Variants in MAPK6 observed in about 807,000 individuals in gnomAD.
MAPK6 encodes the protein mitogen-activated protein kinase 6, also known as ERK-3.
In MAPK6, 19 loss-of-function variants were observed where a neutral mutation model predicts 59.3. The observed-to-expected ratio is 0.32, with a 90% CI of 0.22 to 0.47. The LOEUF (loss-of-function observed/expected upper bound fraction) is 0.47. Among genes scored for constraint, MAPK6 ranks in the 20% least tolerant of loss-of-function variants. The pLI is 1.00. For synonymous variants in MAPK6, 316 were observed against 290.3 expected, an observed-to-expected ratio of 1.09 and a Z score of -0.90; for missense variants, 724 against 847.9, an observed-to-expected ratio of 0.85 and a Z score of 1.81.
At chr15:52,007,914 T>C (rs1174937790) in intron 3 of MAPK6, among the ~76,000 whole-genome samples, 5 of 151,726 alleles carry the variant, frequency 3.3e-5, no homozygotes, top group African/African-American at 1.2e-4. Context: ...TGGTGTGATC[T>C]TGGCTCACTG....
chr15:52,029,144 T>G (rs2030929802), intron 1 of MAPK6, among the ~76,000 whole-genome samples: 1 of 152,188 alleles, frequency 6.6e-6, no homozygotes, highest in Non-Finnish European at 1.5e-5. Flanking sequence ...TTCAAGTGAT[T>G]ATCCTGCCTC....
intron 2 of MAPK6, among the ~76,000 whole-genome samples, chr15:51,999,771 A>G (rs191947403): frequency 4.6e-5 from 7 of 152,194 alleles, no homozygotes; most frequent in African/African-American, 1.7e-4. Flanking sequence ...AGCCTCGTGA[A>G]TAGCTGGGAC....
upstream of MAPK6, among the ~76,000 whole-genome samples, chr15:52,016,107 C>CACACACACACACACACACACACACACAAA (rs1267339787): frequency 2.3e-4 from 32 of 136,200 alleles, 1 homozygote; most frequent in Non-Finnish European, 4.9e-4. Context: ...CACACACACA[C>CACACACACACACACACACACACACACAAA]AAACTAAAAC....
Position 52,064,512 on chromosome 15 carries a change from C to G in MAPK6, c.1678C>G (p.Leu560Val). ...TGACTTGAATAGCTCAGTGTCCCAACTAGAATTGAAAAGTTTGATATCAAA... is the reference window on the plus strand; with the variant it reads ...TGACTTGAATAGCTCAGTGTCCCAAGTAGAATTGAAAAGTTTGATATCAAA... ...LNDLNSSVSQ[L>V]ELKSLISKSV... is the part of the protein sequence containing the mutation. The change falls in exon 6 of 6, where the codon CTA (leucine) becomes GTA (valine). Residue 560 changes from leucine to valine, a missense_variant. Physicochemically the swap from Leu to Val is conservative, Grantham distance 32. This residue lies in a region of MAPK6 where 502 missense variants were observed against 507.6 expected (regional missense o/e 0.99). Transcript: ENST00000261845. The G allele has an allele frequency of 6.2e-7, 1 of 1,609,484 alleles. No homozygotes were observed. Among genetic ancestry groups the G allele is most frequent in the Non-Finnish European group, 8.5e-7 (1 of 1,178,996 alleles).
intron 1 of MAPK6, among the ~76,000 whole-genome samples, chr15:52,031,611 G>A (rs752286491): frequency 4.6e-5 from 7 of 152,098 alleles, no homozygotes; most frequent in South Asian, 2.1e-4. Context: ...TGGGAGGATC[G>A]CTGGAGCCCA....
chr15:51,995,995 C>T (rs1447114294), intron 2 of MAPK6, among the ~76,000 whole-genome samples: 1 of 152,116 alleles, frequency 6.6e-6, no homozygotes, highest in Non-Finnish European at 1.5e-5. Context: ...TTCCTCTCAT[C>T]CTCAGCTACC....
chr15:52,058,317 C>T (rs113635386), intron 3 of MAPK6, among the ~76,000 whole-genome samples: 62 of 152,252 alleles, frequency 4.1e-4, no homozygotes, highest in African/African-American at 1.3e-3. Flanking sequence ...ATTAGTGGTA[C>T]AGTTAAGACC....
At chr15:52,044,035 A>G (rs911860261) in intron 1 of MAPK6, among the ~76,000 whole-genome samples, 8 of 151,942 alleles carry the variant, frequency 5.3e-5, no homozygotes, top group Non-Finnish European at 1.0e-4. Flanking sequence ...CGGCTTCCCA[A>G]AGTGTTGGGA....
At chr15:52,009,163 T>G (rs748948718) in intron 3 of MAPK6, among the ~76,000 whole-genome samples, 1 of 152,162 alleles carries the variant, frequency 6.6e-6, no homozygotes, top group East Asian at 1.9e-4. Flanking sequence ...ACCTTGTGAG[T>G]TGAAAGCTGC....
intron 3 of MAPK6, among the ~76,000 whole-genome samples, chr15:52,012,638 CTGTA>C (rs1179420656): frequency 1.3e-5 from 2 of 152,108 alleles, no homozygotes; most frequent in Non-Finnish European, 2.9e-5. Context: ...ATCCATCACA[CTGTA>C]TGTTTTATAG....
At chr15:51,973,634 T>G (rs2057147032) in intron 1 of MAPK6, among the ~76,000 whole-genome samples, 1 of 151,852 alleles carries the variant, frequency 6.6e-6, no homozygotes, top group African/African-American at 2.4e-5. Flanking sequence ...CTTGGACAGA[T>G]TTTTTTGTTT....
In MAPK6 at chr15:52,064,721, G is replaced by A. The variant is rs775137132; in HGVS notation, c.1887G>A (p.Leu629=). ...AGGAAAACACTTACACTAGTTACTT[G>A]GACAAGTTCTTTAGCAGGAAAGAAG... ...VEKENTYTSY[L]DKFFSRKEDT... The change falls in exon 6 of 6, where the codon TTG becomes TTA. Residue 629 remains leucine, a synonymous_variant. Transcript: ENST00000261845. The A allele has an allele frequency of 3.7e-6, 6 of 1,611,710 alleles. No individual in the cohort carries two copies. In the South Asian group the frequency reaches 4.4e-5, roughly 12 times the overall value.
chr15:52,043,289 T>G (rs2031483705), intron 1 of MAPK6, among the ~76,000 whole-genome samples: 1 of 152,142 alleles, frequency 6.6e-6, no homozygotes, highest in Non-Finnish European at 1.5e-5. Context: ...AAAAATTATT[T>G]TTATTTTTTA....
At chr15:52,043,742 ATTTTTTTTTTTTTTTTTT>A (rs71130125) in intron 1 of MAPK6, among the ~76,000 whole-genome samples, 9 of 40,660 alleles carry the variant, frequency 2.2e-4, no homozygotes, top group African/African-American at 5.4e-4. Flanking sequence ...AAGTTGTTTG[ATTTTTTTTTTTTTTTTTT>A]TTTTTTTTTT....
intron 1 of MAPK6, among the ~76,000 whole-genome samples, chr15:51,980,674 T>C (rs1383522767): frequency 6.6e-6 from 1 of 151,082 alleles, no homozygotes; most frequent in Non-Finnish European, 1.5e-5. Context: ...CACTGCAACC[T>C]CCACCTCCTG....
At chr15:52,028,770 AT>A (rs2030913454) in intron 1 of MAPK6, among the ~76,000 whole-genome samples, 1 of 152,096 alleles carries the variant, frequency 6.6e-6, no homozygotes, top group South Asian at 2.1e-4. Context: ...CATTTCTCTG[AT>A]TCTCTTCCAA....
chr15:52,021,554 T>C (rs993139416), intron 1 of MAPK6: 13 of 152,126 alleles, frequency 8.5e-5, no homozygotes, highest in African/African-American at 3.1e-4. Flanking sequence ...TAACATTTGC[T>C]GAGAGGAAAG....
chr15:52,033,613 G>A (rs1333649353), intron 1 of MAPK6: 1 of 152,188 alleles, frequency 6.6e-6, no homozygotes, highest in African/African-American at 2.4e-5. Context: ...CTCAGATTGA[G>A]CCACTACTGG....
chr15:52,047,063 A>G (rs773987345), intron 2 of MAPK6, 48 bp downstream of exon 2: 35 of 1,321,974 alleles, frequency 2.6e-5, no homozygotes, highest in Non-Finnish European at 3.5e-5. Flanking sequence ...TGATACACCT[A>G]ATCAGGAATA....
Sources: allele counts gnomAD v4.1 joint callset (sites outside exome capture counted in the v4.1 genomes callset), GRCh38; gene constraint gnomAD v4.1.1; regional missense constraint gnomAD v4.1.1; transcripts MANE v1.5; gene names NCBI Gene and HGNC (gene_info 2026-07-23, HGNC 2026-07-21).